EYA2: variants seen among roughly 807,000 people sequenced by gnomAD.
EYA2 encodes protein phosphatase EYA2.
A neutral mutation model predicts 69.2 loss-of-function variants in EYA2; 31 were observed. The ratio of observed to expected loss-of-function variants is 0.45; its 90% confidence interval spans 0.34 to 0.60. The LOEUF (loss-of-function observed/expected upper bound fraction) is 0.60, where lower values mean the gene tolerates loss of function less well. Ranked by LOEUF, EYA2 falls within the 20% of genes least tolerant of loss-of-function variation. The probability of loss-of-function intolerance (pLI) is 0.02; values close to 1 mark genes in which losing one functional copy is unlikely to be tolerated. For synonymous variants in EYA2, 257 were observed against 279.4 expected (o/e 0.92, Z 0.80); for missense variants, 622 against 701.2 (o/e 0.89, Z 1.28).
At chr20:47,177,392 G>A (rs976387822) in intron 12 of EYA2, among the ~76,000 whole-genome samples, 1 of 152,194 alleles carries the variant, frequency 6.6e-6, no homozygotes, top group Non-Finnish European at 1.5e-5. Context: ...GGTTACAGGC[G>A]TGGGCCACCT....
At chr20:47,000,219 C>T (rs772846745) in intron 2 of EYA2, among the ~76,000 whole-genome samples, 2 of 152,184 alleles carry the variant, frequency 1.3e-5, no homozygotes, top group Non-Finnish European at 2.9e-5. Flanking sequence ...GAGCTTGGCA[C>T]GTAATAAGCA....
intron 7 of EYA2, among the ~76,000 whole-genome samples, 169 bp from the exon 8 acceptor site, chr20:47,089,070 G>C (rs987153349): frequency 2.6e-5 from 4 of 152,194 alleles, no homozygotes; most frequent in African/African-American, 9.7e-5. Context: ...GGTCACCAAT[G>C]GGCAATTTAA....
intron 2 of EYA2, among the ~76,000 whole-genome samples, chr20:46,994,063 G>C (rs1258094242): frequency 6.6e-6 from 1 of 152,178 alleles, no homozygotes; most frequent in Non-Finnish European, 1.5e-5. Flanking sequence ...GTGAGTGAAG[G>C]GGTAGGTGGA....
chr20:46,998,538 G>A (rs1384115211), intron 2 of EYA2: 1 of 152,256 alleles, frequency 6.6e-6, no homozygotes, highest in Non-Finnish European at 1.5e-5. Context: ...CTCTGCTCTT[G>A]GGCAGTCCCT....
chr20:47,070,433 A>G (rs2031272769), intron 5 of EYA2, among the ~76,000 whole-genome samples: 1 of 152,210 alleles, frequency 6.6e-6, no homozygotes, highest in South Asian at 2.1e-4. Flanking sequence ...CTCGTGCATT[A>G]CCAGTCAGAA....
rs1030112622 is a variant in EYA2, at chr20:46,912,801, C to T, written c.-11+17814C>T. On this transcript the variant is annotated intron_variant, in intron 1 of 15. Coordinates refer to ENST00000327619, the MANE Select transcript of EYA2 (RefSeq NM_005244.5). Reference sequence around the variant, plus strand: ...CTGCAAGCTCCGCTTCCCGGGTTCACGCCATTCTCCTGCCTCAGCCTCCCG... The same window carrying T: ...CTGCAAGCTCCGCTTCCCGGGTTCATGCCATTCTCCTGCCTCAGCCTCCCG... 1.9e-3 allele frequency among the ~76,000 whole-genome samples: 293 copies of T among 150,924 alleles called. 1 individual carries two copies. Among genetic ancestry groups the T allele is most frequent in the African/African-American group, 7.0e-3 (286 of 41,116 alleles).
At chr20:46,976,761 G>A (rs112789371) in intron 1 of EYA2, among the ~76,000 whole-genome samples, 2,487 of 152,296 alleles carry the variant, frequency 0.016, 67 homozygotes, top group African/African-American at 0.057. Context: ...GGGACATTCC[G>A]TGGGGAATAT....
intron 8 of EYA2, among the ~76,000 whole-genome samples, chr20:47,093,842 T>C (rs2032163150): frequency 6.6e-6 from 1 of 152,220 alleles, no homozygotes; most frequent in South Asian, 2.1e-4. Flanking sequence ...CCAAACTCGC[T>C]GAGTCACGCA....
At chr20:47,182,156 C>A (rs1206164318) in intron 14 of EYA2, among the ~76,000 whole-genome samples, 3 of 151,994 alleles carry the variant, frequency 2.0e-5, no homozygotes, top group African/African-American at 7.2e-5. Context: ...GCAAAGACTA[C>A]AGGCGTGCAC....
intron 1 of EYA2, among the ~76,000 whole-genome samples, chr20:46,977,616 C>T (rs898811382): frequency 6.6e-6 from 1 of 152,116 alleles, no homozygotes; most frequent in Non-Finnish European, 1.5e-5. Flanking sequence ...TAAACAGCAT[C>T]GGTGATTCTA....
At chr20:46,933,652 C>G (rs1985767538) in intron 1 of EYA2, among the ~76,000 whole-genome samples, 1 of 152,222 alleles carries the variant, frequency 6.6e-6, no homozygotes, top group Non-Finnish European at 1.5e-5. Flanking sequence ...AGCGCCAAGT[C>G]TCACTAGAAC....
intron 4 of EYA2, among the ~76,000 whole-genome samples, chr20:47,009,233 A>G (rs6018231): frequency 0.013 from 1,973 of 152,270 alleles, 40 homozygotes; most frequent in African/African-American, 0.043. Context: ...CATGTCACTG[A>G]ACAATAACAG....
At chr20:47,142,656 T>A (rs1247066067) in intron 9 of EYA2, among the ~76,000 whole-genome samples, 1 of 152,194 alleles carries the variant, frequency 6.6e-6, no homozygotes, top group Non-Finnish European at 1.5e-5. Flanking sequence ...CTCCCAGTAG[T>A]TTATACTGAA....
chr20:46,927,714 TG>T (rs1333508644), intron 1 of EYA2, among the ~76,000 whole-genome samples: 1 of 152,168 alleles, frequency 6.6e-6, no homozygotes, highest in Non-Finnish European at 1.5e-5. Flanking sequence ...GTGGGAATTA[TG>T]GGAGCTACAG....
chr20:47,018,659 A>G (rs553782497), intron 5 of EYA2, among the ~76,000 whole-genome samples: 2 of 152,326 alleles, frequency 1.3e-5, no homozygotes, highest in Non-Finnish European at 1.5e-5. Flanking sequence ...AAAGGCTCAC[A>G]GTGTTCAAGG....
At chr20:47,060,520 C>T (rs2030830166) in intron 5 of EYA2, among the ~76,000 whole-genome samples, 1 of 152,200 alleles carries the variant, frequency 6.6e-6, no homozygotes. Context: ...GCAAGGGAGG[C>T]CAGGAATGCA....
chr20:46,979,740 C>T (rs562209010), intron 1 of EYA2: 16 of 152,252 alleles, frequency 1.1e-4, no homozygotes, highest in African/African-American at 3.6e-4. Flanking sequence ...CAGTGGTTTC[C>T]GGGTGATCCT....
chr20:46,916,733 C>T (rs539903594), intron 1 of EYA2, among the ~76,000 whole-genome samples: 2 of 152,088 alleles, frequency 1.3e-5, no homozygotes, highest in African/African-American at 2.4e-5. Flanking sequence ...GGGGAGAGCT[C>T]GGGGTGCTAG....
At chr20:46,914,943 G>A (rs1984828462) in intron 1 of EYA2, among the ~76,000 whole-genome samples, 1 of 152,212 alleles carries the variant, frequency 6.6e-6, no homozygotes, top group Admixed American at 6.5e-5. Context: ...CAAAGCTGGA[G>A]TATGGGGACA....
Sources: allele counts gnomAD v4.1 joint callset (sites outside exome capture counted in the v4.1 genomes callset), GRCh38; gene constraint gnomAD v4.1.1; transcripts MANE v1.5; gene names NCBI Gene and HGNC (gene_info 2026-07-23, HGNC 2026-07-21).